The following TBC1D22B variants were observed in gnomAD, a reference collection of about 807,000 sequenced individuals.
TBC1D22B encodes the protein chromosome 6 open reading frame 197.
TBC1D22B carries 32 observed loss-of-function variants against 69.1 expected under a neutral mutation model. The observed-to-expected ratio is 0.46, with a 90% CI of 0.35 to 0.62. The LOEUF is 0.62. Among genes scored for constraint, TBC1D22B ranks in the 20% least tolerant of loss-of-function variants. The pLI, the probability that TBC1D22B is intolerant of heterozygous loss-of-function variation, is 0.00. For missense variants in TBC1D22B, 462 were observed against 630.9 expected (o/e 0.73, Z 2.87); for synonymous variants, 206 against 229.8 (o/e 0.90, Z 0.94).
chr6:37,309,062 G>A (rs1767824013), intron 8 of TBC1D22B, among the ~76,000 whole-genome samples: 1 of 152,138 alleles, frequency 6.6e-6, no homozygotes, highest in Non-Finnish European at 1.5e-5. Context: ...CTTTATGCCA[G>A]GCACTGTTGT....
chr6:37,301,610 T>A (rs1767574287), intron 8 of TBC1D22B, among the ~76,000 whole-genome samples: 1 of 152,244 alleles, frequency 6.6e-6, no homozygotes, highest in South Asian at 2.1e-4. Context: ...ATTATATGGA[T>A]GTACTACATC....
chr6:37,267,720 C>G (rs1766353858), intron 1 of TBC1D22B, among the ~76,000 whole-genome samples: 1 of 151,692 alleles, frequency 6.6e-6, no homozygotes, highest in African/African-American at 2.4e-5. Flanking sequence ...TTCCTCACCC[C>G]TCTCTTCCCA....
chr6:37,272,428 C>T (rs1766517882), intron 2 of TBC1D22B, among the ~76,000 whole-genome samples: 2 of 150,844 alleles, frequency 1.3e-5, no homozygotes, highest in African/African-American at 4.9e-5. Context: ...CTGGCACGAT[C>T]AGGGCTCACT....
At chr6:37,326,783 G>A (rs10947668) in intron 12 of TBC1D22B, among the ~76,000 whole-genome samples, 81,525 of 145,930 alleles carry the variant, frequency 0.56, 23,014 homozygotes, top group East Asian at 0.7. Flanking sequence ...GCGAGACTAC[G>A]TCTCAAAAAA....
At chr6:37,295,092 T>A (rs1767316961) in intron 8 of TBC1D22B, among the ~76,000 whole-genome samples, 1 of 152,118 alleles carries the variant, frequency 6.6e-6, no homozygotes, top group South Asian at 2.1e-4. Flanking sequence ...CTCCAATTTT[T>A]AAAAAAATTT....
intron 1 of TBC1D22B, among the ~76,000 whole-genome samples, 182 bp from the exon 2 acceptor site, chr6:37,269,412 C>T (rs1033293029): frequency 5.9e-5 from 9 of 152,158 alleles, no homozygotes; most frequent in Non-Finnish European, 2.9e-5. Flanking sequence ...GGAAAATGAA[C>T]ATTATCAAAT....
At chr6:37,287,425 A>T (rs1337178089) in intron 7 of TBC1D22B, among the ~76,000 whole-genome samples, 2 of 152,168 alleles carry the variant, frequency 1.3e-5, no homozygotes, top group Non-Finnish European at 2.9e-5. Context: ...TGTGTTAACC[A>T]TTTTTTAGTG....
intron 4 of TBC1D22B, 47 bp from the exon 5 acceptor site, chr6:37,282,835 G>A (rs1766878217): frequency 6.3e-7 from 1 of 1,595,436 alleles, no homozygotes; most frequent in Non-Finnish European, 8.6e-7. Flanking sequence ...GTTTGCTTTA[G>A]AGCATTTGTG....
intron 1 of TBC1D22B, among the ~76,000 whole-genome samples, chr6:37,265,429 C>T (rs1766239525): frequency 6.6e-6 from 1 of 152,116 alleles, no homozygotes; most frequent in South Asian, 2.1e-4. Flanking sequence ...AGTTTATCCT[C>T]TGATTTTATA....
Position 37,331,287 on chromosome 6 carries a change from C to A in TBC1D22B, c.*115C>A. 9.3e-7 allele frequency: 1 copy of A among 1,075,570 alleles called. No individual in the cohort carries two copies. Among genetic ancestry groups the A allele is most frequent in the Non-Finnish European group, 1.4e-6 (1 of 721,024 alleles). 66.6% of individuals were successfully genotyped at this position (1,075,570 alleles called of 1,614,324 possible). ...GGAACCACTCCTGTTGTACAAAGCT[C>A]ACACCCACCGCCCAGGTCTTAACTT... On this transcript the variant is annotated 3_prime_UTR_variant, in exon 13 of 13. Coordinates refer to ENST00000373491, the MANE Select transcript of TBC1D22B (RefSeq NM_017772.4).
At chr6:37,267,512 A>AATATATATATACAC (rs1554182782) in intron 1 of TBC1D22B, among the ~76,000 whole-genome samples, 4 of 136,610 alleles carry the variant, frequency 2.9e-5, no homozygotes, top group African/African-American at 8.8e-5. Context: ...CTATATATAT[A>AATATATATATACAC]ATATATATAT....
chr6:37,268,034 C>T (rs969505867), intron 1 of TBC1D22B, among the ~76,000 whole-genome samples: 16 of 152,198 alleles, frequency 1.1e-4, no homozygotes, highest in Admixed American at 9.8e-4. Flanking sequence ...GTTCAGGGCT[C>T]TCCACCAATC....
At chr6:37,263,646 C>T (rs568873175) in intron 1 of TBC1D22B, among the ~76,000 whole-genome samples, 7 of 152,138 alleles carry the variant, frequency 4.6e-5, no homozygotes, top group Non-Finnish European at 8.8e-5. Context: ...TGCAGTGGCC[C>T]GATCTCCGCT....
chr6:37,302,056 C>G (rs1767588529), intron 8 of TBC1D22B, among the ~76,000 whole-genome samples: 1 of 152,234 alleles, frequency 6.6e-6, no homozygotes, highest in Non-Finnish European at 1.5e-5. Flanking sequence ...CCTACCTATT[C>G]TCTACCACCT....
At chr6:37,275,114 T>A (rs750580079) in intron 2 of TBC1D22B, among the ~76,000 whole-genome samples, 9 of 152,176 alleles carry the variant, frequency 5.9e-5, no homozygotes, top group Non-Finnish European at 1.3e-4. Flanking sequence ...TCTTTTACAT[T>A]GAGTTAAGTG....
chr6:37,321,907 T>C (rs748080002), intron 12 of TBC1D22B, among the ~76,000 whole-genome samples: 8 of 152,212 alleles, frequency 5.3e-5, no homozygotes, highest in African/African-American at 1.9e-4. Context: ...TGTGTACTTA[T>C]GTAAAAAGTC....
chr6:37,289,685 C>T (rs761206865), intron 7 of TBC1D22B, among the ~76,000 whole-genome samples: 3 of 152,190 alleles, frequency 2.0e-5, no homozygotes, highest in South Asian at 2.1e-4. Context: ...ATAGAGGCAT[C>T]TAGACAGACC....
chr6:37,258,344 A>T (rs1372236937), intron 1 of TBC1D22B, among the ~76,000 whole-genome samples: 4 of 152,074 alleles, frequency 2.6e-5, no homozygotes, highest in African/African-American at 7.2e-5. Flanking sequence ...AGGGGTCTCC[A>T]CCACGCACAG....
intron 8 of TBC1D22B, among the ~76,000 whole-genome samples, chr6:37,305,124 G>T (rs1252364537): frequency 6.6e-6 from 1 of 152,188 alleles, no homozygotes; most frequent in African/African-American, 2.4e-5. Context: ...GTTGTGGATT[G>T]TGCTCGCCCC....
Sources: allele counts gnomAD v4.1 joint callset (sites outside exome capture counted in the v4.1 genomes callset), GRCh38; gene constraint gnomAD v4.1.1; transcripts MANE v1.5; gene names NCBI Gene and HGNC (gene_info 2026-07-23, HGNC 2026-07-21).